Variants in STXBP4 observed in about 807,000 individuals in gnomAD.
STXBP4 encodes the protein syntaxin-binding protein 4.
STXBP4 carries 55 observed loss-of-function variants against 76.1 expected under a neutral mutation model. The ratio of observed to expected loss-of-function variants is 0.72; its 90% confidence interval spans 0.58 to 0.91. STXBP4 has a LOEUF of 0.91. Among genes scored for constraint, STXBP4 ranks in the 40% least tolerant of loss-of-function variants. The probability of loss-of-function intolerance (pLI) is 0.00; values close to 1 mark genes in which losing one functional copy is unlikely to be tolerated. For missense variants in STXBP4, 618 were observed against 636.9 expected, an observed-to-expected ratio of 0.97 and a Z score of 0.32; for synonymous variants, 201 against 220.2, an observed-to-expected ratio of 0.91 and a Z score of 0.77.
At chr17:54,986,058 G>A in intron 2 of STXBP4, 84 bp from the exon 3 acceptor site, 2 of 651,770 alleles carry the variant, frequency 3.1e-6, no homozygotes, top group Non-Finnish European at 5.5e-6. Flanking sequence ...TGTTCCAAGT[G>A]TATATAATGT....
chr17:54,983,660 T>A (rs1212586337), intron 1 of STXBP4, among the ~76,000 whole-genome samples: 1 of 152,196 alleles, frequency 6.6e-6, no homozygotes, highest in East Asian at 1.9e-4. Context: ...CAATATTAAA[T>A]AAATACATTT....
At chr17:55,122,197 T>A (rs2079852679) in intron 16 of STXBP4, among the ~76,000 whole-genome samples, 1 of 152,222 alleles carries the variant, frequency 6.6e-6, no homozygotes. Flanking sequence ...ACGTTTATTA[T>A]GCACCAAAGC....
At chr17:55,113,426 T>A (rs1173407005) in intron 16 of STXBP4, among the ~76,000 whole-genome samples, 1 of 152,140 alleles carries the variant, frequency 6.6e-6, no homozygotes, top group African/African-American at 2.4e-5. Context: ...TCTATACTGA[T>A]CCTGTAACAT....
At chr17:55,110,543 G>T (rs1383171961) in intron 16 of STXBP4, among the ~76,000 whole-genome samples, 1 of 152,132 alleles carries the variant, frequency 6.6e-6, no homozygotes, top group African/African-American at 2.4e-5. Flanking sequence ...TGAGGTGGGG[G>T]ATATATGAAC....
chr17:55,123,260 G>C (rs768879311), intron 16 of STXBP4, among the ~76,000 whole-genome samples: 1 of 152,118 alleles, frequency 6.6e-6, no homozygotes, highest in African/African-American at 2.4e-5. Context: ...ATTCAATAAA[G>C]GGGAAAATTT....
chr17:55,035,959 C>G (rs1250855136), intron 10 of STXBP4, among the ~76,000 whole-genome samples: 1 of 151,928 alleles, frequency 6.6e-6, no homozygotes, highest in Non-Finnish European at 1.5e-5. Context: ...TGGAATGGCT[C>G]AATTGAGCTA....
chr17:55,093,754 A>G (rs947403234), intron 16 of STXBP4, among the ~76,000 whole-genome samples: 2 of 152,234 alleles, frequency 1.3e-5, no homozygotes, highest in African/African-American at 4.8e-5. Flanking sequence ...AGAGAAAAAC[A>G]TATCGCTTAA....
At chr17:55,016,213 T>A (rs938828345) in intron 8 of STXBP4, among the ~76,000 whole-genome samples, 1 of 152,154 alleles carries the variant, frequency 6.6e-6, no homozygotes, top group African/African-American at 2.4e-5. Context: ...CATGGACCTC[T>A]GTTTATCGGT....
At chr17:55,041,467 C>T (rs1212170500) in intron 10 of STXBP4, among the ~76,000 whole-genome samples, 1 of 152,132 alleles carries the variant, frequency 6.6e-6, no homozygotes, top group Non-Finnish European at 1.5e-5. Context: ...ATCCTCCAGC[C>T]TCGGCCTCCC....
At chr17:54,976,701 A>G (rs1421297738) in intron 1 of STXBP4, among the ~76,000 whole-genome samples, 1 of 152,210 alleles carries the variant, frequency 6.6e-6, no homozygotes, top group Non-Finnish European at 1.5e-5. Context: ...AGATTCTCCC[A>G]GGAGTGAGAA....
intron 10 of STXBP4, among the ~76,000 whole-genome samples, chr17:55,041,611 A>G (rs2078699952): frequency 6.6e-6 from 1 of 152,166 alleles, no homozygotes; most frequent in African/African-American, 2.4e-5. Flanking sequence ...TGAGTTTCCC[A>G]GATTGTGTTT....
intron 8 of STXBP4, among the ~76,000 whole-genome samples, chr17:55,008,036 A>G (rs1480517391): frequency 1.3e-5 from 2 of 152,202 alleles, no homozygotes; most frequent in African/African-American, 2.4e-5. Context: ...TCCACTAAAT[A>G]TAGAAAGATG....
At chr17:55,117,958 T>G (rs1432369968) in intron 16 of STXBP4, among the ~76,000 whole-genome samples, 1 of 151,902 alleles carries the variant, frequency 6.6e-6, no homozygotes, top group African/African-American at 2.4e-5. Flanking sequence ...TAACTGGACA[T>G]TTTTTTGAAA....
chr17:55,194,359 A>G, the STXBP4 span, among the ~76,000 whole-genome samples: 5 of 152,110 alleles, frequency 3.3e-5, no homozygotes, highest in Non-Finnish European at 5.9e-5. Context: ...TTGTGTATAT[A>G]TATATAAATA....
intron 8 of STXBP4, among the ~76,000 whole-genome samples, chr17:55,019,364 T>G (rs117910173): frequency 0.012 from 1,873 of 152,306 alleles, 14 homozygotes; most frequent in Non-Finnish European, 0.019. Context: ...GATTTTAACA[T>G]GCACATTTAA....
intron 16 of STXBP4, among the ~76,000 whole-genome samples, chr17:55,084,451 A>G (rs1467290534): frequency 1.3e-5 from 2 of 152,074 alleles, no homozygotes; most frequent in Admixed American, 1.3e-4. Context: ...TTCTGATGGT[A>G]GTTTCTTTTG....
At chr17:55,061,751 T>C (rs1470689632) in intron 12 of STXBP4, among the ~76,000 whole-genome samples, 4 of 152,240 alleles carry the variant, frequency 2.6e-5, no homozygotes, top group African/African-American at 9.6e-5. Context: ...CTTTTGGGAT[T>C]GGTTCTTTTT....
At chr17:55,062,723 A>G (rs2079009104) in intron 12 of STXBP4, among the ~76,000 whole-genome samples, 1 of 152,136 alleles carries the variant, frequency 6.6e-6, no homozygotes, top group Non-Finnish European at 1.5e-5. Flanking sequence ...CAACAGTGTA[A>G]AAGTGTTCCT....
chr17:55,147,227 A>G (rs2080166857), intron 17 of STXBP4, among the ~76,000 whole-genome samples: 2 of 152,200 alleles, frequency 1.3e-5, no homozygotes, highest in African/African-American at 4.8e-5. Context: ...TTCATGGACC[A>G]GGGGGTAGGG....
Sources: allele counts gnomAD v4.1 joint callset (sites outside exome capture counted in the v4.1 genomes callset), GRCh38; gene constraint gnomAD v4.1.1; transcripts MANE v1.5; gene names NCBI Gene and HGNC (gene_info 2026-07-23, HGNC 2026-07-21).